FARP1: variants seen among roughly 807,000 people sequenced by gnomAD.
The protein encoded by FARP1 is FERM, ARH/RhoGEF and pleckstrin domain protein 1, also known as FERM, ARHGEF and pleckstrin domain-containing protein 1.
Under a neutral mutation model 128.8 loss-of-function variants are expected in FARP1, and 52 were observed. The ratio of observed to expected loss-of-function variants is 0.40; its 90% confidence interval spans 0.32 to 0.51. The LOEUF is 0.51. Ranked by LOEUF, FARP1 falls within the 20% of genes least tolerant of loss-of-function variation. The pLI is 0.45. For missense variants in FARP1, 1,333 were observed against 1,367.9 expected (o/e 0.97, Z 0.40); for synonymous variants, 580 against 551.8 (o/e 1.05, Z -0.72).
intron 1 of FARP1, among the ~76,000 whole-genome samples, chr13:98,206,935 T>G (rs2139294562): frequency 6.6e-6 from 1 of 152,316 alleles, no homozygotes. Flanking sequence ...GGAGATAAAT[T>G]CAGAATAGAG....
intron 4 of FARP1, among the ~76,000 whole-genome samples, chr13:98,367,441 G>A (rs2076049911): frequency 6.6e-6 from 1 of 151,224 alleles, no homozygotes; most frequent in Non-Finnish European, 1.5e-5. Flanking sequence ...GAGCCACCGC[G>A]CCTGGCCACA....
chr13:98,367,354 G>A (rs1391310700), intron 4 of FARP1, among the ~76,000 whole-genome samples: 1 of 152,080 alleles, frequency 6.6e-6, no homozygotes, highest in Non-Finnish European at 1.5e-5. Context: ...TTGCCATCTT[G>A]GCCAGGCTGG....
At chr13:98,248,212 T>G (rs1190676750) in intron 2 of FARP1, among the ~76,000 whole-genome samples, 3 of 152,148 alleles carry the variant, frequency 2.0e-5, no homozygotes, top group Non-Finnish European at 4.4e-5. Flanking sequence ...GATTTTGCAG[T>G]ACCTAGAAAA....
intron 2 of FARP1, among the ~76,000 whole-genome samples, chr13:98,254,798 G>A (rs1314064412): frequency 6.6e-6 from 1 of 152,176 alleles, no homozygotes; most frequent in Admixed American, 6.6e-5. Flanking sequence ...GAAAACATAT[G>A]TTAGTATAAC....
intron 24 of FARP1, 48 bp from the exon 25 acceptor site, chr13:98,446,050 C>T: frequency 7.6e-7 from 1 of 1,323,762 alleles, no homozygotes; most frequent in East Asian, 2.3e-5. Flanking sequence ...CTGTGCCCTC[C>T]TGGGGCAGGT....
intron 1 of FARP1, among the ~76,000 whole-genome samples, chr13:98,197,343 G>A (rs545284395): frequency 6.6e-6 from 1 of 152,148 alleles, no homozygotes; most frequent in South Asian, 2.1e-4. Context: ...GCGCATGCCT[G>A]TAATCCCAGC....
intron 17 of FARP1, among the ~76,000 whole-genome samples, chr13:98,426,585 C>A (rs1262590426): frequency 6.6e-6 from 1 of 152,200 alleles, no homozygotes; most frequent in African/African-American, 2.4e-5. Flanking sequence ...GATCAATTGC[C>A]ACTCAAGGGA....
chr13:98,147,670 T>C lies in FARP1; in HGVS notation c.-24+4178T>C, dbSNP rs560188456. ...AATATAGCAAACCCTTGGTAAATTA[T>C]TGTGTTCTGTTTTCTTTTTGAAAAA... On this transcript the variant is annotated intron_variant, in intron 1 of 26. Coordinates refer to ENST00000319562, the MANE Select transcript of FARP1 (RefSeq NM_005766.4). 2.6e-5 allele frequency among the ~76,000 whole-genome samples: 4 copies of C among 152,074 alleles called. No individual in the cohort carries two copies. In the South Asian group the frequency reaches 6.2e-4, roughly 24 times the overall value.
At chr13:98,337,391 G>A (rs1887788694) in intron 2 of FARP1, among the ~76,000 whole-genome samples, 1 of 152,068 alleles carries the variant, frequency 6.6e-6, no homozygotes, top group South Asian at 2.1e-4. Context: ...TTAAATAACA[G>A]AAATAATTAC....
At chr13:98,217,090 C>T (rs777668578) in intron 2 of FARP1, among the ~76,000 whole-genome samples, 15 of 152,102 alleles carry the variant, frequency 9.9e-5, no homozygotes, top group African/African-American at 2.2e-4. Context: ...CGTGACCCGG[C>T]GGGTAAACAA....
Position 98,384,808 on chromosome 13 carries a change from T to G in FARP1, c.575T>G (p.Leu192Arg). ...KNKYIPQQDALEDKIVEFHHN... is the reference protein window; with the variant it reads ...KNKYIPQQDAREDKIVEFHHN... ...AAATACATACCTCAGCAAGACGCACTAGAGGACAAAATCGTGGAATTTCAC... is the reference window on the plus strand; with the variant it reads ...AAATACATACCTCAGCAAGACGCACGAGAGGACAAAATCGTGGAATTTCAC... Residue 192 changes from leucine (L) to arginine (R), a missense_variant, in exon 7 of 27, where the codon CTA (leucine) becomes CGA (arginine). By Grantham distance (102) the Leu-to-Arg change is moderately radical. Around this residue, in one of 2 missense-constraint regions of FARP1, gnomAD observed 324 missense variants for 398.1 expected, o/e 0.81. Transcript: ENST00000319562. 6.2e-7 allele frequency: 1 copy of G among 1,613,438 alleles called. No homozygotes were observed. Among genetic ancestry groups the G allele is most frequent in the Non-Finnish European group, 8.5e-7 (1 of 1,179,336 alleles).
In FARP1 at chr13:98,224,825, G is replaced by A. The variant is rs144464476; in HGVS notation, c.171+11412G>A. ...ACAGAGAACATGAAGGCTGTGAGGC[G>A]TGGGCTGCTTCCACCCCTGCCTCGC... On this transcript the variant is annotated intron_variant, in intron 2 of 26. Transcript: ENST00000319562. 6.0e-3 allele frequency among the ~76,000 whole-genome samples: 914 copies of A among 152,282 alleles called. 9 individuals are homozygous for A. The highest frequency in any genetic ancestry group is 0.021 in the African/African-American group (862 of 41,558).
rs1890037834 is a variant in FARP1 at position 98,384,845 on chromosome 13, G to A, written c.611+1G>A. The A allele has an allele frequency of 6.3e-7, 1 of 1,581,840 alleles. No homozygotes were observed. The highest frequency in any genetic ancestry group is 8.7e-7 in the Non-Finnish European group (1 of 1,150,534). On this transcript the variant is annotated splice_donor_variant, in intron 7 of 26. Transcript: ENST00000319562. LOFTEE classifies it high-confidence loss of function. ...TCGTGGAATTTCACCATAACCACAT[G>A]TAAGTCTCATTCTTGGCTTCATATT...
intron 2 of FARP1, among the ~76,000 whole-genome samples, chr13:98,309,939 C>G (rs1297805025): frequency 1.3e-5 from 2 of 152,136 alleles, no homozygotes; most frequent in Non-Finnish European, 2.9e-5. Context: ...AGAAGTAATC[C>G]CCATACACTT....
At chr13:98,391,913 C>A (rs1890319488) in intron 11 of FARP1, among the ~76,000 whole-genome samples, 1 of 152,118 alleles carries the variant, frequency 6.6e-6, no homozygotes, top group South Asian at 2.1e-4. Flanking sequence ...TTTTAAAAAA[C>A]TTTTTTCATT....
chr13:98,167,792 T>A (rs893062539), intron 1 of FARP1, among the ~76,000 whole-genome samples: 1 of 152,196 alleles, frequency 6.6e-6, no homozygotes, highest in Admixed American at 6.5e-5. Flanking sequence ...CAAGTAATAT[T>A]GGGATCTAAT....
intron 13 of FARP1, among the ~76,000 whole-genome samples, chr13:98,408,708 A>C (rs1891073066): frequency 6.6e-6 from 1 of 152,230 alleles, no homozygotes; most frequent in South Asian, 2.1e-4. Context: ...GGAAATTGTG[A>C]TAATATAATG....
intron 24 of FARP1, among the ~76,000 whole-genome samples, chr13:98,442,803 T>C (rs9517300): frequency 0.74 from 112,298 of 152,208 alleles, 42,005 homozygotes; most frequent in Non-Finnish European, 0.8. Flanking sequence ...AGCCAGTCGA[T>C]GTGTGGCGCC....
intron 1 of FARP1, among the ~76,000 whole-genome samples, chr13:98,182,816 T>G (rs1296661367): frequency 6.6e-6 from 1 of 152,228 alleles, no homozygotes; most frequent in Non-Finnish European, 1.5e-5. Context: ...TAGCACTGGA[T>G]ATTTCTGGAA....
Sources: allele counts gnomAD v4.1 joint callset (sites outside exome capture counted in the v4.1 genomes callset), GRCh38; gene constraint gnomAD v4.1.1; regional missense constraint gnomAD v4.1.1; transcripts MANE v1.5; gene names NCBI Gene and HGNC (gene_info 2026-07-23, HGNC 2026-07-21).